Variants in GPRC6A observed in about 807,000 individuals in gnomAD.
GPRC6A encodes the protein G protein-coupled receptor family C group 6 member A.
In GPRC6A, 54 loss-of-function variants were observed where a neutral mutation model predicts 47.0. The observed-to-expected ratio is 1.15, with a 90% confidence interval of 0.92 to 1.44. The LOEUF is 1.44. Among genes scored for constraint, GPRC6A ranks in the 40% most tolerant of loss-of-function variants. The pLI, the probability that GPRC6A is intolerant of heterozygous loss-of-function variation, is 0.00. For missense variants in GPRC6A, 1,112 were observed against 1,105.5 expected, an observed-to-expected ratio of 1.01 and a Z score of -0.08; for synonymous variants, 347 against 377.1, an observed-to-expected ratio of 0.92 and a Z score of 0.93.
In GPRC6A at chr6:116,792,594, T is replaced by C; in HGVS notation, c.2329A>G (p.Asn777Asp). The C allele has an allele frequency of 2.0e-6, 3 of 1,468,448 alleles. No homozygotes were observed. Among genetic ancestry groups the C allele is most frequent in the Non-Finnish European group, 2.8e-6 (3 of 1,088,830 alleles). 91.0% of individuals were successfully genotyped at this position (1,468,448 alleles called of 1,614,324 possible). Residue 777 changes from asparagine to aspartate, a missense_variant, in exon 6 of 6, where the codon AAT becomes GAT. Coordinates refer to ENST00000310357, the MANE Select transcript of GPRC6A (RefSeq NM_148963.4). The stretch of plus-strand genomic sequence containing the variant: ...GTAATGAATTTGGCTTCATTGTAAT[T>C]CTCATATTTGCCTTTGAAAGCAAAT... ...FIFAFKGKYE[N>D]YNEAKFITFG...
At chr6:116,826,552 A>G (rs1487965652) in intron 1 of GPRC6A, among the ~76,000 whole-genome samples, 1 of 151,886 alleles carries the variant, frequency 6.6e-6, no homozygotes, top group Admixed American at 6.6e-5. Flanking sequence ...AAAAACAAAA[A>G]CAGATGCTGG....
At chr6:116,794,694 G>A (rs1772421445) in intron 5 of GPRC6A, among the ~76,000 whole-genome samples, 1 of 152,096 alleles carries the variant, frequency 6.6e-6, no homozygotes, top group Non-Finnish European at 1.5e-5. Context: ...TAATTTTTTA[G>A]GCAGTGGTAT....
intron 5 of GPRC6A, 26 bp downstream of exon 5, chr6:116,795,686 G>A: frequency 6.4e-7 from 1 of 1,560,336 alleles, no homozygotes; most frequent in South Asian, 1.2e-5. Context: ...GAATGATTCA[G>A]GTGTATGTGG....
Position 116,809,421 on chromosome 6 carries a change from A to T in GPRC6A, c.391T>A (p.Cys131Ser). 1.2e-6 allele frequency: 2 copies of T among 1,613,754 alleles called. No individual in the cohort carries two copies. The highest frequency in any genetic ancestry group is 2.2e-5 in the South Asian group (2 of 91,078). ...CTTGGCATGTAGCTGGAATAGTCAC[A>T]CTTAAACTCCACAGTTTCTCTGGAG... ...NCSRETVEFK[C>S]DYSSYMPRVK... The change falls in exon 2 of 6, where the codon TGT becomes AGT. Residue 131 changes from cysteine (C) to serine (S), a missense_variant. Physicochemically the swap from Cys to Ser is moderately radical, Grantham distance 112 (BLOSUM62 -1). Transcript: ENST00000310357.
In GPRC6A at chr6:116,795,796, G is replaced by A. The variant is rs1446906979; in HGVS notation, c.1588C>T (p.Gln530Ter). 1.9e-6 allele frequency: 3 copies of A among 1,606,778 alleles called. No individual in the cohort carries two copies. The South Asian group carries it at 3.3e-5, about 18-fold the overall frequency. The change falls in exon 5 of 6, where the codon CAA becomes TAA. Residue 530 changes from glutamine to a stop codon, truncating the protein, a stop_gained. Coordinates refer to ENST00000310357, the MANE Select transcript of GPRC6A (RefSeq NM_148963.4). LOFTEE classifies it high-confidence loss of function. ...TGACTTCTTGTAGTTTTCTTCATTT[G>A]CCCAGGACTGCATTCCTTGGAGCAT... ...SKCSKECSPG[Q>*]MKKTTRSQHI...
intron 4 of GPRC6A, among the ~76,000 whole-genome samples, chr6:116,797,273 CA>C (rs1562478674): frequency 6.6e-6 from 1 of 151,790 alleles, no homozygotes; most frequent in African/African-American, 2.4e-5. Flanking sequence ...TTTCTTAATC[CA>C]GTCTATCATT....
chr6:116,815,092 T>C (rs1773162732), intron 1 of GPRC6A, among the ~76,000 whole-genome samples: 1 of 152,132 alleles, frequency 6.6e-6, no homozygotes, highest in East Asian at 1.9e-4. Context: ...AATTACCAGA[T>C]CTAAAAAGAA....
intron 1 of GPRC6A, among the ~76,000 whole-genome samples, chr6:116,822,927 C>T (rs915995353): frequency 6.8e-6 from 1 of 146,010 alleles, no homozygotes; most frequent in African/African-American, 2.5e-5. Flanking sequence ...AGAAAGAAAT[C>T]ATTCTTCCCT....
intron 3 of GPRC6A, among the ~76,000 whole-genome samples, chr6:116,802,823 A>G (rs1437537427): frequency 6.6e-6 from 1 of 152,126 alleles, no homozygotes; most frequent in African/African-American, 2.4e-5. Flanking sequence ...CTTCTTCAAG[A>G]TGGAATTTAA....
At chr6:116,810,293 G>A (rs1339300314) in intron 1 of GPRC6A, among the ~76,000 whole-genome samples, 1 of 152,002 alleles carries the variant, frequency 6.6e-6, no homozygotes, top group Non-Finnish European at 1.5e-5. Context: ...ATGAATAAAG[G>A]GGGATATTAT....
At position 116,806,445 on chromosome 6, in the gene GPRC6A, A is replaced by T; in HGVS notation, c.1260T>A (p.Phe420Leu). 1 of 1,613,532 alleles carries T rather than the reference A, an allele frequency of 6.2e-7. No individual in the cohort carries two copies. The highest frequency in any genetic ancestry group is 8.5e-7 in the Non-Finnish European group (1 of 1,179,706). Residue 420 changes from phenylalanine to leucine, a missense_variant, in exon 3 of 6, where the codon TTT becomes TTA. Phe to Leu is a conservative substitution (Grantham distance 22, BLOSUM62 0). Transcript: ENST00000310357. Reference sequence around the variant, plus strand: ...GATCCCGAATGGCATAACCAAGGGCAAACACTGCAAGCTGAATACTATGAA... The same window carrying T: ...GATCCCGAATGGCATAACCAAGGGCTAACACTGCAAGCTGAATACTATGAA... ...GLIHSIQLAV[F>L]ALGYAIRDLC...
At chr6:116,804,024 A>G (rs1772760486) in intron 3 of GPRC6A, among the ~76,000 whole-genome samples, 1 of 152,090 alleles carries the variant, frequency 6.6e-6, no homozygotes. Context: ...ACTGCCTGAA[A>G]CATTGAGACA....
In GPRC6A at chr6:116,809,264, T is replaced by A. The variant is rs770533172; in HGVS notation, c.498+50A>T. ...TCCTCAGGTTTCCCTGATCCTTTCA[T>A]AATAACAAATGTGATCAAAAGCAAT... On this transcript the variant is annotated intron_variant, in intron 2 of 5. Coordinates refer to ENST00000310357, the MANE Select transcript of GPRC6A (RefSeq NM_148963.4). The A allele has an allele frequency of 2.0e-6, 3 of 1,464,270 alleles. No individual in the cohort carries two copies. The South Asian group carries it at 3.7e-5, about 18-fold the overall frequency. The allele number at this position is 1,464,270 out of a possible 1,614,324, so 90.7% of individuals were successfully genotyped here.
Position 116,792,335 on chromosome 6 carries a change from C to G in GPRC6A, c.2588G>C (p.Ser863Thr). The part of the protein sequence containing the change: ...IYSYSSHSVS[S>T]IALSPASLDS... ...CAGTGAAGCAGGACTCAGGGCAATG[C>G]TGCTCACACTATGGGAAGAATAACT... is the stretch of plus-strand genomic sequence containing the variant. The change falls in exon 6 of 6, where the codon AGC becomes ACC. Residue 863 changes from serine to threonine, a missense_variant. Ser to Thr is a moderately conservative substitution (Grantham distance 58). Transcript: ENST00000310357. The G allele has an allele frequency of 6.2e-7, 1 of 1,613,986 alleles. No homozygotes were observed. Among genetic ancestry groups the G allele is most frequent in the Non-Finnish European group, 8.5e-7 (1 of 1,179,920 alleles).
At chr6:116,822,861 A>T (rs964480384) in intron 1 of GPRC6A, among the ~76,000 whole-genome samples, 58 of 149,680 alleles carry the variant, frequency 3.9e-4, no homozygotes, top group Admixed American at 1.9e-3. Context: ...AAAGTATAAT[A>T]ATAAAAAAAA....
intron 4 of GPRC6A, among the ~76,000 whole-genome samples, chr6:116,799,697 G>A (rs1011035622): frequency 6.6e-6 from 1 of 152,052 alleles, no homozygotes; most frequent in Non-Finnish European, 1.5e-5. Context: ...AGACTTGGGG[G>A]AACAACAAAG....
chr6:116,827,689 T>C (rs1318542808), intron 1 of GPRC6A, among the ~76,000 whole-genome samples: 1 of 152,216 alleles, frequency 6.6e-6, no homozygotes, highest in East Asian at 1.9e-4. Flanking sequence ...GCCTCAACTC[T>C]GCAGTCATTC....
chr6:116,795,555 C>T (rs116492455), intron 5 of GPRC6A, among the ~76,000 whole-genome samples, 157 bp downstream of exon 5: 114 of 151,968 alleles, frequency 7.5e-4, no homozygotes, highest in African/African-American at 2.7e-3. Flanking sequence ...GAGCAAATTC[C>T]AAGATAAAAT....
intron 1 of GPRC6A, among the ~76,000 whole-genome samples, chr6:116,820,223 A>G (rs1411363995): frequency 2.0e-5 from 3 of 152,178 alleles, no homozygotes; most frequent in African/African-American, 7.2e-5. Flanking sequence ...TCAATAGTTT[A>G]CCAACCAAAA....
Sources: allele counts gnomAD v4.1 joint callset (sites outside exome capture counted in the v4.1 genomes callset), GRCh38; gene constraint gnomAD v4.1.1; transcripts MANE v1.5; gene names NCBI Gene and HGNC (gene_info 2026-07-23, HGNC 2026-07-21).